The following NLRC4 variants were observed in gnomAD, a reference collection of about 807,000 sequenced individuals.
NLRC4 encodes NLR family CARD domain-containing protein 4.
In NLRC4, 63 loss-of-function variants were observed where a neutral mutation model predicts 79.9. That is an observed-to-expected ratio of 0.79 (90% CI 0.64 to 0.97). The LOEUF (loss-of-function observed/expected upper bound fraction) is 0.97. Ranked by LOEUF, NLRC4 falls within the 50% of genes least tolerant of loss-of-function variation. The pLI, the probability that NLRC4 is intolerant of heterozygous loss-of-function variation, is 0.00. For missense variants in NLRC4, 1,074 were observed against 1,215.2 expected, an observed-to-expected ratio of 0.88 and a Z score of 1.73; for synonymous variants, 461 against 456.5, an observed-to-expected ratio of 1.01 and a Z score of -0.12.
Position 32,252,285 on chromosome 2 carries a change from C to T in NLRC4, c.262+134G>A, listed in dbSNP as rs919271372. 3 of 685,100 alleles carry T rather than the reference C, an allele frequency of 4.4e-6. No individual in the cohort carries two copies. The African/African-American group carries it at 5.4e-5, about 12-fold the overall frequency. 42.4% of individuals were successfully genotyped at this position (685,100 alleles called of 1,614,324 possible). On this transcript the variant is annotated intron_variant, in intron 3 of 8. Transcript: ENST00000402280. ...TTTCCTAAAATCATCTAAGCTTTTC[C>T]TTAGCAGGTATCAAAGGCCACTGCC... is the stretch of plus-strand genomic sequence containing the variant.
chr2:32,240,460 G>C (rs1438621467), intron 5 of NLRC4, among the ~76,000 whole-genome samples: 1 of 150,322 alleles, frequency 6.7e-6, no homozygotes, highest in African/African-American at 2.4e-5. Flanking sequence ...AAGGAAAGCA[G>C]CTTTAACAGG....
chr2:32,247,488 A>G (rs1686965693), intron 4 of NLRC4, among the ~76,000 whole-genome samples: 1 of 150,952 alleles, frequency 6.6e-6, no homozygotes, highest in Admixed American at 6.6e-5. Flanking sequence ...CTAATTTTGT[A>G]TTTTTAGTAG....
At chr2:32,231,576 G>C (rs1393811734) in intron 8 of NLRC4, among the ~76,000 whole-genome samples, 2 of 117,956 alleles carry the variant, frequency 1.7e-5, no homozygotes, top group Non-Finnish European at 3.6e-5. Flanking sequence ...TTTTTTTGTG[G>C]GGGGGGGGTG....
intron 8 of NLRC4, among the ~76,000 whole-genome samples, chr2:32,231,397 C>T (rs1465768985): frequency 6.6e-6 from 1 of 151,936 alleles, no homozygotes; most frequent in Admixed American, 6.6e-5. Flanking sequence ...CCTTGTGATC[C>T]ACCTGCCTCA....
chr2:32,249,608 C>T lies in NLRC4; in HGVS notation c.2256G>A (p.Pro752=), dbSNP rs139310294. The T allele has an allele frequency of 1.3e-4, 200 of 1,573,852 alleles. No individual in the cohort carries two copies. In the African/African-American group the frequency reaches 2.0e-3, roughly 16 times the overall value. The change falls in exon 4 of 9, where the codon CCG becomes CCA. Residue 752 remains proline, a splice_region_variant and synonymous_variant. Coordinates refer to ENST00000402280, the MANE Select transcript of NLRC4 (RefSeq NM_001199138.2). ...ACAAACCACTGATATTTACAATACC[C>T]GGCAGCCGTTGATTCTGTAGGTCAT... is the stretch of plus-strand genomic sequence containing the variant. ...SIHDLQNQRL[P]GGLTDSLGNL...
In NLRC4 at chr2:32,241,077, A is replaced by G. The variant is rs778144161; in HGVS notation, c.2306T>C (p.Ile769Thr). 10 of 1,610,874 alleles carry G rather than the reference A, an allele frequency of 6.2e-6. No individual in the cohort carries two copies. The South Asian group carries it at 1.1e-4, about 18-fold the overall frequency. The change falls in exon 5 of 9, where the codon ATA becomes ACA. Residue 769 changes from isoleucine to threonine, a missense_variant. By Grantham distance (89) the Ile-to-Thr change is moderately conservative. Transcript: ENST00000402280. ...LGNLKNLTKL[I>T]MDNIKMNEED... Reference sequence around the variant, plus strand: ...TTCATTCATCTTTATGTTATCCATTATGAGCTTTGTAAGGTTCTTCAAGTT... The same window carrying G: ...TTCATTCATCTTTATGTTATCCATTGTGAGCTTTGTAAGGTTCTTCAAGTT...
chr2:32,239,859 C>T (rs1686755263), intron 5 of NLRC4, among the ~76,000 whole-genome samples: 1 of 152,202 alleles, frequency 6.6e-6, no homozygotes, highest in African/African-American at 2.4e-5. Context: ...TCTCAATCCC[C>T]TTCCAGCTCT....
intron 6 of NLRC4, 42 bp downstream of exon 6, chr2:32,238,090 C>A (rs777367986): frequency 6.9e-7 from 1 of 1,449,928 alleles, no homozygotes; most frequent in Admixed American, 2.0e-5. Flanking sequence ...ATCACATGTT[C>A]TGTTATACTG....
intron 4 of NLRC4, among the ~76,000 whole-genome samples, chr2:32,247,982 A>C (rs973350112): frequency 6.6e-6 from 1 of 152,162 alleles, no homozygotes; most frequent in African/African-American, 2.4e-5. Context: ...ATGGAGATAG[A>C]AAGCAGAATA....
chr2:32,225,429 GTGTGTGTGTGT>G lies in NLRC4; in HGVS notation c.2783-675_2783-665del, dbSNP rs1210657453. Among the ~76,000 whole-genome samples, 4 of 83,264 alleles carry G rather than the reference GTGTGTGTGTGT, an allele frequency of 4.8e-5. No homozygotes were observed. The East Asian group carries it at 1.3e-3, about 28-fold the overall frequency. 54.6% of individuals were successfully genotyped at this position (83,264 alleles called of 152,430 possible). On this transcript the variant is annotated intron_variant, in intron 8 of 8. Coordinates refer to ENST00000402280, the MANE Select transcript of NLRC4 (RefSeq NM_001199138.2). ...AAAGGATGTGTGTGTGTGTGTGTGTGTGTGTGTGTGTGTGTGTATACATACACAAATAGTTT... is the reference window on the plus strand; with the variant it reads ...AAAGGATGTGTGTGTGTGTGTGTGTGGTGTGTATACATACACAAATAGTTT...
intron 4 of NLRC4, among the ~76,000 whole-genome samples, chr2:32,246,604 G>T (rs212730): frequency 0.62 from 95,040 of 152,086 alleles, 29,939 homozygotes; most frequent in African/African-American, 0.68. Flanking sequence ...GTTCCTGCTC[G>T]GGGCAACCAG....
In NLRC4 at chr2:32,229,585, A is replaced by G. The variant is rs1358977008; in HGVS notation, c.2783-4820T>C. On this transcript the variant is annotated intron_variant, in intron 8 of 8. Coordinates refer to ENST00000402280, the MANE Select transcript of NLRC4 (RefSeq NM_001199138.2). ...CAAAATTTTGGGAGTCAAGCAAAACATGGCAAAGCTTGGAGATCAAATGCA... is the reference window on the plus strand; with the variant it reads ...CAAAATTTTGGGAGTCAAGCAAAACGTGGCAAAGCTTGGAGATCAAATGCA... Among the ~76,000 whole-genome samples, 3 of 152,348 alleles carry G rather than the reference A, an allele frequency of 2.0e-5. No individual in the cohort carries two copies. The East Asian group carries it at 5.8e-4, about 29-fold the overall frequency.
chr2:32,246,401 T>C (rs1686937317), intron 4 of NLRC4, among the ~76,000 whole-genome samples: 1 of 152,182 alleles, frequency 6.6e-6, no homozygotes. Context: ...AGGGATTCCC[T>C]CATTAGGGAG....
chr2:32,258,701 A>G (rs1380411965), intron 1 of NLRC4, among the ~76,000 whole-genome samples: 1 of 152,166 alleles, frequency 6.6e-6, no homozygotes, highest in African/African-American at 2.4e-5. Context: ...ATGTTTTAAG[A>G]TAAGAAACGG....
intron 8 of NLRC4, among the ~76,000 whole-genome samples, chr2:32,233,934 A>G (rs1050501151): frequency 6.6e-6 from 1 of 152,136 alleles, no homozygotes; most frequent in Admixed American, 6.5e-5. Context: ...TAGCTCTAAC[A>G]ATATTTGCTT....
intron 7 of NLRC4, among the ~76,000 whole-genome samples, chr2:32,236,033 C>T (rs1686665216): frequency 1.3e-5 from 2 of 152,136 alleles, no homozygotes; most frequent in South Asian, 4.1e-4. Context: ...GATACCGCCT[C>T]AAAGTGCAGT....
intron 8 of NLRC4, among the ~76,000 whole-genome samples, chr2:32,229,887 C>A (rs963042161): frequency 1.3e-5 from 2 of 152,034 alleles, no homozygotes; most frequent in African/African-American, 4.8e-5. Flanking sequence ...AGCAGATGGT[C>A]AGGAAATGGA....
Position 32,256,033 on chromosome 2 carries a change from C to CA in NLRC4, c.1+741dup, listed in dbSNP as rs566747853. Among the ~76,000 whole-genome samples, 96 of 149,852 alleles carry CA rather than the reference C, an allele frequency of 6.4e-4. No individual in the cohort carries two copies. The South Asian group carries it at 7.5e-3, about 12-fold the overall frequency. ...CATCTCACACAAAAAAAAAAATTTA[C>CA]AAAAAAAAATATATATATAAACAGT... is the stretch of plus-strand genomic sequence containing the variant. On this transcript the variant is annotated intron_variant, in intron 2 of 8. Transcript: ENST00000402280.
chr2:32,247,979 TAGAA>T (rs937800982), intron 4 of NLRC4, among the ~76,000 whole-genome samples: 2 of 151,940 alleles, frequency 1.3e-5, no homozygotes, highest in African/African-American at 4.8e-5. Flanking sequence ...CACATGGAGA[TAGAA>T]AGCAGAATAG....
Sources: allele counts gnomAD v4.1 joint callset (sites outside exome capture counted in the v4.1 genomes callset), GRCh38; gene constraint gnomAD v4.1.1; transcripts MANE v1.5; gene names NCBI Gene and HGNC (gene_info 2026-07-23, HGNC 2026-07-21).